PLXND1: variants seen among roughly 807,000 people sequenced by gnomAD.
The protein encoded by PLXND1 is plexin D1, also known as plexin-D1.
PLXND1 carries 54 observed loss-of-function variants against 197.7 expected under a neutral mutation model. The observed-to-expected ratio is 0.27, with a 90% CI of 0.22 to 0.34. The LOEUF is 0.34. Ranked by LOEUF, PLXND1 falls within the 10% of genes least tolerant of loss-of-function variation. The probability of loss-of-function intolerance (pLI) is 1.00; values close to 1 mark genes in which losing one functional copy is unlikely to be tolerated. For synonymous variants in PLXND1, 1,180 were observed against 1,161.2 expected, an observed-to-expected ratio of 1.02 and a Z score of -0.33; for missense variants, 2,127 against 2,699.2, an observed-to-expected ratio of 0.79 and a Z score of 4.70.
In PLXND1 at chr3:129,571,846, T is replaced by A; in HGVS notation, c.3078-2A>T. On this transcript the variant is annotated splice_acceptor_variant, in intron 15 of 35. Coordinates refer to ENST00000324093, the MANE Select transcript of PLXND1 (RefSeq NM_015103.3). LOFTEE classifies it high-confidence loss of function. The stretch of plus-strand genomic sequence containing the variant: ...CAGGCGATGCTGGTATCTGTGCGCC[T>A]GGGGGGAGCAGCAGGTTATCAGCAG... 6.2e-7 allele frequency: 1 copy of A among 1,606,886 alleles called. No homozygotes were observed. Among genetic ancestry groups the A allele is most frequent in the Non-Finnish European group, 8.5e-7 (1 of 1,177,094 alleles).
At position 129,559,715 on chromosome 3, in the gene PLXND1, TG is replaced by T; in HGVS notation, c.5201del (p.Pro1734HisfsTer40). ...AGTCGAAAAAGTACTTGACAGCCAG[TG>T]GGGGCTTGTCTTCACGGATACTCAG... ...AILSIREDKP[P>X]LAVKYFFDFL... On this transcript the variant is annotated frameshift_variant, in exon 32 of 36. Transcript: ENST00000324093. LOFTEE classifies it high-confidence loss of function. 2 of 1,613,278 alleles carry T rather than the reference TG, an allele frequency of 1.2e-6. No homozygotes were observed. Among genetic ancestry groups the T allele is most frequent in the Non-Finnish European group, 1.7e-6 (2 of 1,179,710 alleles).
chr3:129,590,042 G>A (rs527843398), intron 1 of PLXND1, among the ~76,000 whole-genome samples: 16 of 152,248 alleles, frequency 1.1e-4, no homozygotes, highest in African/African-American at 3.6e-4. Flanking sequence ...TCCTCCTGCC[G>A]GGTGTCTGCT....
At position 129,573,664 on chromosome 3, in the gene PLXND1, C is replaced by T. The variant is rs762979740; in HGVS notation, c.2767G>A (p.Val923Met). 22 of 1,613,634 alleles carry T rather than the reference C, an allele frequency of 1.4e-5. No individual in the cohort carries two copies. The Admixed American group carries it at 1.8e-4, about 13-fold the overall frequency. Residue 923 changes from valine (V) to methionine (M), a missense_variant, in exon 13 of 36, where the codon GTG becomes ATG. By Grantham distance (21) the Val-to-Met change is conservative. Around this residue, in one of 6 missense-constraint regions of PLXND1, gnomAD observed 1,095 missense variants for 1,259.8 expected, o/e 0.87. Transcript: ENST00000324093. ...CCACCAATCCACACGCCGTGGGCCA[C>T]GTCACTGAGCCGCCGGCCCAGGTTC... ...GRNLGRRLSD[V>M]AHGVWIGGVA...
At chr3:129,573,519 G>A in intron 13 of PLXND1, 75 bp downstream of exon 13, 1 of 1,383,416 alleles carries the variant, frequency 7.2e-7, no homozygotes. Flanking sequence ...AGAGGATGGG[G>A]AGGGAGGAGT....
intron 3 of PLXND1, 110 bp downstream of exon 3, chr3:129,586,478 A>T (rs1366310640): frequency 7.6e-6 from 10 of 1,318,908 alleles, no homozygotes; most frequent in Non-Finnish European, 9.5e-6. Flanking sequence ...CAGATAAGGG[A>T]GATGGAGGAG....
At chr3:129,566,094 G>T in intron 23 of PLXND1, 77 bp from the exon 24 acceptor site, 2 of 1,521,272 alleles carry the variant, frequency 1.3e-6, no homozygotes, top group Non-Finnish European at 1.8e-6. Flanking sequence ...TGCTTACGAC[G>T]GCTGCTTGTA....
chr3:129,556,954 G>T, intron 34 of PLXND1, 129 bp downstream of exon 34: 1 of 1,042,268 alleles, frequency 9.6e-7, no homozygotes, highest in Non-Finnish European at 1.4e-6. Context: ...CCAGCAAGAG[G>T]CCACAGCCAC....
chr3:129,589,846 G>A (rs1350236930), intron 1 of PLXND1, among the ~76,000 whole-genome samples: 4 of 152,098 alleles, frequency 2.6e-5, no homozygotes, highest in Non-Finnish European at 2.9e-5. Context: ...AGCTACACCC[G>A]CACCCCCTTG....
rs777857247 is a variant in PLXND1 at position 129,565,484 on chromosome 3, G to GTA, written c.4375_4376dup (p.Ser1461ProfsTer4). On this transcript the variant is annotated frameshift_variant, in exon 25 of 36. Coordinates refer to ENST00000324093, the MANE Select transcript of PLXND1 (RefSeq NM_015103.3). LOFTEE classifies it high-confidence loss of function. ...CCAGCAGCTCCTTCATGATGCTGGT[G>GTA]TAGTACTCCAGCTTGCCGTGCAGCG... is the stretch of plus-strand genomic sequence containing the variant. The GTA allele has an allele frequency of 4.3e-6, 7 of 1,613,880 alleles. No individual in the cohort carries two copies. Among genetic ancestry groups the GTA allele is most frequent in the African/African-American group, 1.3e-5 (1 of 74,934 alleles).
At position 129,567,682 on chromosome 3, in the gene PLXND1, G is replaced by A. The variant is rs2085161912; in HGVS notation, c.3973+16C>T. The A allele has an allele frequency of 6.3e-7, 1 of 1,587,214 alleles. No homozygotes were observed. The highest frequency in any genetic ancestry group is 1.1e-5 in the South Asian group (1 of 90,518). On this transcript the variant is annotated intron_variant, in intron 21 of 35. Coordinates refer to ENST00000324093, the MANE Select transcript of PLXND1 (RefSeq NM_015103.3). Reference sequence around the variant, plus strand: ...GGAAAGTTGAGGCCCAGCCCTGCAGGGTCCCCGCCCACTACCTTTGCGGAT... The same window carrying A: ...GGAAAGTTGAGGCCCAGCCCTGCAGAGTCCCCGCCCACTACCTTTGCGGAT...
intron 1 of PLXND1, 41 bp from the exon 2 acceptor site, chr3:129,589,568 T>G: frequency 6.7e-7 from 1 of 1,499,204 alleles, no homozygotes; most frequent in Non-Finnish European, 8.9e-7. Flanking sequence ...CTCCAGAACC[T>G]TCTCCGGCTC....
chr3:129,586,846 G>T, intron 2 of PLXND1, 127 bp from the exon 3 acceptor site: 1 of 1,086,840 alleles, frequency 9.2e-7, no homozygotes, highest in Non-Finnish European at 1.3e-6. Flanking sequence ...AGGAGGGGTG[G>T]GAAGTCACGG....
At chr3:129,597,215 G>C (rs555815431) in intron 1 of PLXND1, among the ~76,000 whole-genome samples, 2 of 151,942 alleles carry the variant, frequency 1.3e-5, no homozygotes, top group African/African-American at 2.4e-5. Context: ...GCAGGCCTGC[G>C]GGCTCCAGAT....
chr3:129,584,466 G>A lies in PLXND1; in HGVS notation c.1948C>T (p.Pro650Ser). The A allele has an allele frequency of 6.2e-7, 1 of 1,613,870 alleles. No individual in the cohort carries two copies. Among genetic ancestry groups the A allele is most frequent in the Non-Finnish European group, 8.5e-7 (1 of 1,180,006 alleles). Residue 650 changes from proline (P) to serine (S), a missense_variant, in exon 6 of 36, where the codon CCA (proline) becomes TCA (serine). Physicochemically the swap from Pro to Ser is moderately conservative, Grantham distance 74. Transcript: ENST00000324093. ...ATCTGGTGACCAAAGGCAGGGCCTG[G>A]GACCCGAGCCACAGTGCGGATGTTG... ...GNNIRTVARV[P>S]GPAFGHQIAY...
In PLXND1 at chr3:129,556,694, A is replaced by G. The variant is rs1272956544; in HGVS notation, c.5587-3T>C. ...GTGTTGAACTCATTCTGGTATTTCTATAAGGAGGCAGGATGGGGAGGAGGT... is the reference window on the plus strand; with the variant it reads ...GTGTTGAACTCATTCTGGTATTTCTGTAAGGAGGCAGGATGGGGAGGAGGT... On this transcript the variant is annotated splice_polypyrimidine_tract_variant and splice_region_variant and intron_variant, in intron 34 of 35. Coordinates refer to ENST00000324093, the MANE Select transcript of PLXND1 (RefSeq NM_015103.3). 3.7e-6 allele frequency: 6 copies of G among 1,607,700 alleles called. No homozygotes were observed. The highest frequency in any genetic ancestry group is 5.1e-6 in the Non-Finnish European group (6 of 1,175,002).
rs1284584913 is a variant in PLXND1 at position 129,557,236 on chromosome 3, G to A, written c.5446-13C>T. The A allele has an allele frequency of 6.2e-7, 1 of 1,613,840 alleles. No homozygotes were observed. Among genetic ancestry groups the A allele is most frequent in the Non-Finnish European group, 8.5e-7 (1 of 1,179,828 alleles). ...TGGTTGGCGAATCCTGGGCAGAGAA[G>A]AGCGAGGGTGTTAGATGGCTGCTGG... On this transcript the variant is annotated splice_polypyrimidine_tract_variant and intron_variant, in intron 33 of 35. Transcript: ENST00000324093. This position sits in a 1 kb window ranked among gnomAD's most constrained non-coding sequence, Gnocchi z 4.8.
intron 32 of PLXND1, 24 bp downstream of exon 32, chr3:129,559,596 C>G (rs1271280430): frequency 1.3e-6 from 2 of 1,561,512 alleles, no homozygotes; most frequent in African/African-American, 1.4e-5. Flanking sequence ...ACAGTGAAGT[C>G]CACACGGCCC....
intron 8 of PLXND1, among the ~76,000 whole-genome samples, chr3:129,580,456 G>A (rs1459959158): frequency 1.3e-5 from 2 of 152,144 alleles, no homozygotes; most frequent in East Asian, 1.9e-4. Flanking sequence ...CTCAGGCCTC[G>A]AAGCCACTGC....
chr3:129,571,170 A>G lies in PLXND1; in HGVS notation c.3470T>C (p.Leu1157Pro). The G allele has an allele frequency of 6.2e-7, 1 of 1,614,214 alleles. No individual in the cohort carries two copies. Among genetic ancestry groups the G allele is most frequent in the South Asian group, 1.1e-5 (1 of 91,086 alleles). ...ADEVAVAEELLDPEEAQRGSR... is the reference protein window; with the variant it reads ...ADEVAVAEELPDPEEAQRGSR... ...GCCCCGCTGTGCCTCCTCGGGGTCCAGTAGCTCCTCAGCCACAGCCACCTC... is the reference window on the plus strand; with the variant it reads ...GCCCCGCTGTGCCTCCTCGGGGTCCGGTAGCTCCTCAGCCACAGCCACCTC... Residue 1157 changes from leucine to proline, a missense_variant, in exon 18 of 36, where the codon CTG (leucine) becomes CCG (proline). By Grantham distance (98) the Leu-to-Pro change is moderately conservative. This residue lies in a region of PLXND1 where 532 missense variants were observed against 811.0 expected (regional missense o/e 0.66). Coordinates refer to ENST00000324093, the MANE Select transcript of PLXND1 (RefSeq NM_015103.3).
Sources: allele counts gnomAD v4.1 joint callset (sites outside exome capture counted in the v4.1 genomes callset), GRCh38; gene constraint gnomAD v4.1.1; regional missense constraint gnomAD v4.1.1; non-coding constraint Gnocchi (gnomAD v3.1); transcripts MANE v1.5; gene names NCBI Gene and HGNC (gene_info 2026-07-23, HGNC 2026-07-21).